SGCG: variants seen among roughly 807,000 people sequenced by gnomAD.
The protein encoded by SGCG is gamma-sarcoglycan.
SGCG carries 26 observed loss-of-function variants against 29.3 expected under a neutral mutation model. The ratio of observed to expected loss-of-function variants is 0.89; its 90% CI spans 0.65 to 1.23. The LOEUF (loss-of-function observed/expected upper bound fraction) is 1.23, where lower values mean the gene tolerates loss of function less well. SGCG is among the 50% of genes most tolerant of loss of function. The pLI is 0.00. For missense variants in SGCG, 353 were observed against 356.0 expected (o/e 0.99, Z 0.07); for synonymous variants, 145 against 129.7 (o/e 1.12, Z -0.80).
rs576660993 is a variant in SGCG, at chr13:23,292,226, C to G, written c.506-3189C>G. Among the ~76,000 whole-genome samples, 10 of 151,830 alleles carry G rather than the reference C, an allele frequency of 6.6e-5. No homozygotes were observed. In the East Asian group the frequency reaches 1.9e-3, roughly 29 times the overall value. On this transcript the variant is annotated intron_variant, in intron 5 of 7. Coordinates refer to ENST00000218867, the MANE Select transcript of SGCG (RefSeq NM_000231.3). ...CCAGGTTCAAATGATTCTCATGCCT[C>G]AGCCTCCAGAATAGCTGGGATTACA... is the stretch of plus-strand genomic sequence containing the variant.
intron 5 of SGCG, among the ~76,000 whole-genome samples, chr13:23,293,423 C>T (rs4318066): frequency 0.091 from 13,782 of 152,060 alleles, 683 homozygotes; most frequent in South Asian, 0.13. Context: ...TTTTTTCCAG[C>T]GTGGGTTTTT....
At chr13:23,183,671 A>AT (rs1876840401) in intron 1 of SGCG, among the ~76,000 whole-genome samples, 1 of 150,328 alleles carries the variant, frequency 6.7e-6, no homozygotes, top group African/African-American at 2.5e-5. Context: ...TTCTCCCTTT[A>AT]TTTTTATTTT....
intron 1 of SGCG, among the ~76,000 whole-genome samples, chr13:23,198,312 A>G (rs572165): frequency 0.51 from 76,844 of 152,022 alleles, 19,637 homozygotes; most frequent in Middle Eastern, 0.53. Flanking sequence ...GAAGAATATC[A>G]TGAAGACACT....
intron 6 of SGCG, among the ~76,000 whole-genome samples, chr13:23,320,219 C>T (rs148549251): frequency 5.0e-4 from 76 of 152,246 alleles, no homozygotes; most frequent in African/African-American, 1.8e-3. Context: ...GCCGGGAGTT[C>T]GATTTTGCAG....
At chr13:23,226,736 T>C (rs1351688700) in intron 2 of SGCG, among the ~76,000 whole-genome samples, 1 of 152,186 alleles carries the variant, frequency 6.6e-6, no homozygotes, top group East Asian at 1.9e-4. Context: ...AGAATGTTGG[T>C]TACCAGGGGC....
chr13:23,196,284 T>C (rs9550930), intron 1 of SGCG, among the ~76,000 whole-genome samples: 69,019 of 152,028 alleles, frequency 0.45, 15,907 homozygotes, highest in Admixed American at 0.51. Flanking sequence ...TTCTAGTTTT[T>C]GTTTCTAGTT....
chr13:23,188,480 ATTTTTT>A (rs71218545), intron 1 of SGCG, among the ~76,000 whole-genome samples: 7 of 120,468 alleles, frequency 5.8e-5, no homozygotes, highest in South Asian at 2.6e-4. Flanking sequence ...CGCCTGCCTA[ATTTTTT>A]TTTTTTTTTT....
At chr13:23,291,052 T>TA (rs1334764838) in intron 5 of SGCG, among the ~76,000 whole-genome samples, 1 of 152,192 alleles carries the variant, frequency 6.6e-6, no homozygotes, top group Non-Finnish European at 1.5e-5. Context: ...TATAATGCTC[T>TA]AGGATCCAGA....
intron 2 of SGCG, among the ~76,000 whole-genome samples, chr13:23,234,111 T>C (rs9507057): frequency 0.67 from 102,220 of 152,042 alleles, 34,772 homozygotes; most frequent in East Asian, 0.91. Flanking sequence ...CAGACCTCTA[T>C]ATCCTCCTGT....
At chr13:23,238,274 G>A (rs1302095690) in intron 3 of SGCG, among the ~76,000 whole-genome samples, 1 of 152,198 alleles carries the variant, frequency 6.6e-6, no homozygotes, top group African/African-American at 2.4e-5. Flanking sequence ...GCAAGGCGGA[G>A]TACTGCAGAG....
intron 6 of SGCG, among the ~76,000 whole-genome samples, chr13:23,311,147 G>A (rs1190892365): frequency 2.0e-5 from 3 of 152,154 alleles, no homozygotes; most frequent in Non-Finnish European, 4.4e-5. Context: ...TTTCTATCTA[G>A]GCTGACAATA....
intron 6 of SGCG, among the ~76,000 whole-genome samples, chr13:23,316,837 C>G (rs1882832719): frequency 6.6e-6 from 1 of 152,154 alleles, no homozygotes; most frequent in South Asian, 2.1e-4. Context: ...ACACTTTGGG[C>G]TCCTCCTATG....
chr13:23,172,867 G>T, the SGCG span, among the ~76,000 whole-genome samples: 1 of 152,196 alleles, frequency 6.6e-6, no homozygotes, highest in African/African-American at 2.4e-5. Flanking sequence ...AAGAAAGGAG[G>T]AAGTGGGAGA....
intron 3 of SGCG, among the ~76,000 whole-genome samples, chr13:23,237,508 C>T (rs961617990): frequency 6.6e-5 from 10 of 152,172 alleles, no homozygotes; most frequent in South Asian, 2.1e-4. Flanking sequence ...ACAACTACAA[C>T]TATTTGAATA....
chr13:23,320,625 T>G lies in SGCG; in HGVS notation c.579-12T>G. 1 of 1,518,282 alleles carries G rather than the reference T, an allele frequency of 6.6e-7. No homozygotes were observed. Among genetic ancestry groups the G allele is most frequent in the Non-Finnish European group, 9.0e-7 (1 of 1,113,640 alleles). The allele number at this position is 1,518,282 out of a possible 1,614,324, so 94.1% of individuals were successfully genotyped here. On this transcript the variant is annotated splice_polypyrimidine_tract_variant and intron_variant, in intron 6 of 7. Transcript: ENST00000218867. ...TTTTTTTTTTTTTTTGTGCTTCTTT[T>G]CCTCATCTCAGATTAGAATCCCCCA...
chr13:23,240,138 C>T (rs1296693375), intron 3 of SGCG, among the ~76,000 whole-genome samples: 2 of 152,044 alleles, frequency 1.3e-5, no homozygotes, highest in Non-Finnish European at 2.9e-5. Context: ...CTAACCTATA[C>T]TATACTAACA....
At chr13:23,170,669 T>C in the SGCG span, 1 of 152,276 alleles carries the variant, frequency 6.6e-6, no homozygotes, top group Non-Finnish European at 1.5e-5. Context: ...AGCATGTCTG[T>C]TATGGTGCCT....
intron 5 of SGCG, among the ~76,000 whole-genome samples, chr13:23,289,942 A>T (rs1881636495): frequency 6.6e-6 from 1 of 152,184 alleles, no homozygotes; most frequent in Non-Finnish European, 1.5e-5. Context: ...AGTTAGGAGG[A>T]TGTCAATTGT....
At chr13:23,322,940 T>C (rs1216380054) in intron 7 of SGCG, among the ~76,000 whole-genome samples, 2 of 152,136 alleles carry the variant, frequency 1.3e-5, no homozygotes, top group Non-Finnish European at 2.9e-5. Context: ...AAATAGGGAA[T>C]ATAATATTTG....
Sources: gnomAD v4.1 joint callset for allele counts (sites outside exome capture counted in the v4.1 genomes callset) on GRCh38, gnomAD v4.1.1 for gene constraint, MANE v1.5 for transcripts, NCBI Gene and HGNC (gene_info 2026-07-23, HGNC 2026-07-21) for gene names.